ME1: variants seen among roughly 807,000 people sequenced by gnomAD.
ME1 encodes NADP-dependent malic enzyme.
Under a neutral mutation model 66.4 loss-of-function variants are expected in ME1, and 74 were observed. That is an observed-to-expected ratio of 1.11 (90% CI 0.92 to 1.35). The LOEUF is 1.35. Ranked by LOEUF, ME1 falls within the 40% of genes most tolerant of loss-of-function variation. The pLI is 0.00. For missense variants in ME1, 750 were observed against 694.1 expected, an observed-to-expected ratio of 1.08 and a Z score of -0.90; for synonymous variants, 251 against 235.6, an observed-to-expected ratio of 1.07 and a Z score of -0.60.
intron 6 of ME1, among the ~76,000 whole-genome samples, chr6:83,272,028 G>A (rs572261297): frequency 9.2e-5 from 14 of 152,022 alleles, no homozygotes; most frequent in Non-Finnish European, 1.8e-4. Context: ...TACTCTCTTA[G>A]TTATTTAAAA....
chr6:83,293,047 C>T (rs960796380), intron 6 of ME1, among the ~76,000 whole-genome samples: 1 of 152,188 alleles, frequency 6.6e-6, no homozygotes, highest in Non-Finnish European at 1.5e-5. Context: ...GGTACAGTGA[C>T]TCACAGCTTC....
intron 7 of ME1, among the ~76,000 whole-genome samples, chr6:83,243,652 T>C (rs13196858): frequency 0.31 from 32,611 of 105,604 alleles, 7,235 homozygotes; most frequent in African/African-American, 0.41. Context: ...ATCGATATAA[T>C]CTATTATAAT....
chr6:83,240,829 T>C (rs990203143), intron 7 of ME1, among the ~76,000 whole-genome samples: 1 of 152,156 alleles, frequency 6.6e-6, no homozygotes, highest in African/African-American at 2.4e-5. Flanking sequence ...AGTTTCTTTC[T>C]TGTATAATTA....
intron 12 of ME1, among the ~76,000 whole-genome samples, chr6:83,221,984 C>T (rs1790099660): frequency 1.3e-5 from 2 of 152,002 alleles, no homozygotes; most frequent in South Asian, 2.1e-4. Flanking sequence ...TTGACAACAC[C>T]ACATTTTTTT....
At chr6:83,363,205 G>A (rs1305032355) in intron 3 of ME1, among the ~76,000 whole-genome samples, 2 of 152,052 alleles carry the variant, frequency 1.3e-5, no homozygotes, top group Non-Finnish European at 2.9e-5. Flanking sequence ...ACGTTCTGCT[G>A]GCCTAGAGGT....
chr6:83,341,643 T>C (rs1442351529), intron 5 of ME1, among the ~76,000 whole-genome samples: 1 of 152,080 alleles, frequency 6.6e-6, no homozygotes, highest in Non-Finnish European at 1.5e-5. Flanking sequence ...AGACAAGATA[T>C]AAGAAGATAA....
At chr6:83,235,183 T>C (rs1188168921) in intron 9 of ME1, among the ~76,000 whole-genome samples, 1 of 152,190 alleles carries the variant, frequency 6.6e-6, no homozygotes, top group Non-Finnish European at 1.5e-5. Flanking sequence ...CCCATCTTTT[T>C]CCTTAGTGCA....
At chr6:83,315,480 C>A in intron 5 of ME1, 67 bp from the exon 6 acceptor site, 2 of 935,518 alleles carry the variant, frequency 2.1e-6, no homozygotes, top group East Asian at 2.4e-5. Context: ...GCCTCAGTTT[C>A]TTCATCTGTA....
At chr6:83,283,145 G>A (rs1455896244) in intron 6 of ME1, among the ~76,000 whole-genome samples, 1 of 144,764 alleles carries the variant, frequency 6.9e-6, no homozygotes, top group African/African-American at 2.6e-5. Flanking sequence ...GGAGAATGGC[G>A]TGAACCCGGG....
chr6:83,277,044 T>C (rs1767195461), intron 6 of ME1, among the ~76,000 whole-genome samples: 1 of 152,250 alleles, frequency 6.6e-6, no homozygotes, highest in Non-Finnish European at 1.5e-5. Context: ...GCCATCTGTA[T>C]TGAAGTAAAC....
chr6:83,421,581 T>A (rs7757427), intron 1 of ME1, among the ~76,000 whole-genome samples: 48,263 of 152,110 alleles, frequency 0.32, 8,028 homozygotes, highest in Middle Eastern at 0.49. Flanking sequence ...CTGGCATTTT[T>A]TCCTCCAATA....
chr6:83,225,553 A>G (rs1395970027), intron 11 of ME1, among the ~76,000 whole-genome samples: 2 of 152,080 alleles, frequency 1.3e-5, no homozygotes, highest in Non-Finnish European at 2.9e-5. Flanking sequence ...TTAAAGTTGT[A>G]TAACAGAAAT....
chr6:83,234,868 A>C (rs984632937), intron 9 of ME1, among the ~76,000 whole-genome samples: 2 of 152,068 alleles, frequency 1.3e-5, no homozygotes, highest in Admixed American at 6.5e-5. Context: ...CTTATACCAA[A>C]ATATTTTATT....
chr6:83,302,855 C>T (rs770553932), intron 6 of ME1, among the ~76,000 whole-genome samples: 9 of 151,934 alleles, frequency 5.9e-5, no homozygotes, highest in Non-Finnish European at 1.3e-4. Context: ...AGTGCATGGG[C>T]CAGATCACAA....
At position 83,426,037 on chromosome 6, in the gene ME1, C is replaced by T. The variant is rs560656447; in HGVS notation, c.78+4840G>A. On this transcript the variant is annotated intron_variant, in intron 1 of 13. Transcript: ENST00000369705. ...GTTCCTTTATAAAAGCAAGTTCAGC[C>T]CTCTCTTGCTCCTTCTCACCCTCTA... 1.2e-4 allele frequency among the ~76,000 whole-genome samples: 18 copies of T among 152,236 alleles called. No individual in the cohort carries two copies. In the East Asian group the frequency reaches 1.9e-3, roughly 16 times the overall value.
At chr6:83,385,796 T>C (rs1769493330) in intron 3 of ME1, among the ~76,000 whole-genome samples, 2 of 151,926 alleles carry the variant, frequency 1.3e-5, no homozygotes, top group Non-Finnish European at 2.9e-5. Context: ...AGATATAGAA[T>C]ACTCTACCTC....
intron 6 of ME1, among the ~76,000 whole-genome samples, chr6:83,262,328 T>C (rs542060257): frequency 6.6e-6 from 1 of 152,260 alleles, no homozygotes; most frequent in African/African-American, 2.4e-5. Flanking sequence ...TTCTCCTATT[T>C]CTAGTTTGTA....
chr6:83,228,462 C>T (rs535322837), intron 10 of ME1, among the ~76,000 whole-genome samples: 5 of 152,256 alleles, frequency 3.3e-5, no homozygotes, highest in Middle Eastern at 3.4e-3. Flanking sequence ...CTTCCAACCC[C>T]GCTACCCTAG....
intron 6 of ME1, among the ~76,000 whole-genome samples, chr6:83,268,061 T>C (rs1247970431): frequency 6.6e-6 from 1 of 152,200 alleles, no homozygotes; most frequent in Non-Finnish European, 1.5e-5. Context: ...TTACATTCTA[T>C]ATGTTCTAAA....
Sources: allele counts gnomAD v4.1 joint callset (sites outside exome capture counted in the v4.1 genomes callset), GRCh38; gene constraint gnomAD v4.1.1; transcripts MANE v1.5; gene names NCBI Gene and HGNC (gene_info 2026-07-23, HGNC 2026-07-21).